SGPL1: variants seen among roughly 807,000 people sequenced by gnomAD.
SGPL1 encodes the protein sphingosine-1-phosphate lyase 1.
A neutral mutation model predicts 68.9 loss-of-function variants in SGPL1; 37 were observed. The ratio of observed to expected loss-of-function variants is 0.54; its 90% CI spans 0.41 to 0.71. The LOEUF (loss-of-function observed/expected upper bound fraction) is 0.71, where lower values mean the gene tolerates loss of function less well. Ranked by LOEUF, SGPL1 falls within the 30% of genes least tolerant of loss-of-function variation. The pLI is 0.00. For missense variants in SGPL1, 551 were observed against 704.6 expected (o/e 0.78, Z 2.47); for synonymous variants, 236 against 248.5 (o/e 0.95, Z 0.47).
At chr10:70,816,747 T>A in intron 1 of SGPL1, 64 bp from the exon 2 acceptor site, 1 of 1,155,086 alleles carries the variant, frequency 8.7e-7, no homozygotes, top group Admixed American at 1.7e-5. Flanking sequence ...CTCTGGCGAA[T>A]CTAGGCGGGC....
chr10:70,859,394 T>TA lies in SGPL1; in HGVS notation c.512dup (p.Asn171LysfsTer57). The stretch of plus-strand genomic sequence containing the variant: ...AGGCTTATGGAGATTTTGCATGGAG[T>TA]AACCCCCTGCATCCAGATATCTTCC... On this transcript the variant is annotated frameshift_variant, in exon 7 of 15. Coordinates refer to ENST00000373202, the MANE Select transcript of SGPL1 (RefSeq NM_003901.4). LOFTEE classifies it high-confidence loss of function. 6.5e-7 allele frequency: 1 copy of TA among 1,536,426 alleles called. No individual in the cohort carries two copies. The highest frequency in any genetic ancestry group is 8.8e-7 in the Non-Finnish European group (1 of 1,142,600).
chr10:70,858,663 A>G (rs1157661753), intron 6 of SGPL1, among the ~76,000 whole-genome samples: 1 of 152,198 alleles, frequency 6.6e-6, no homozygotes, highest in Admixed American at 6.5e-5. Context: ...TGCAGCAGAG[A>G]ATACAAGTTT....
intron 2 of SGPL1, among the ~76,000 whole-genome samples, chr10:70,835,735 C>CAAAAAAAAAAAAAAAAAAAAAA (rs66962270): frequency 1.0e-4 from 7 of 70,156 alleles, no homozygotes; most frequent in African/African-American, 3.6e-4. Flanking sequence ...GACTCCGTCT[C>CAAAAAAAAAAAAAAAAAAAAAA]AAAAAAAAAA....
At chr10:70,866,418 T>G (rs147032285) in intron 7 of SGPL1, 11 of 152,184 alleles carry the variant, frequency 7.2e-5, no homozygotes, top group African/African-American at 2.6e-4. Context: ...AAGTAGAATT[T>G]AGGTATTCCT....
At chr10:70,826,741 T>A (rs1845444525) in intron 2 of SGPL1, among the ~76,000 whole-genome samples, 1 of 152,196 alleles carries the variant, frequency 6.6e-6, no homozygotes, top group South Asian at 2.1e-4. Context: ...GTATGCATCC[T>A]AAGTTTAGTT....
intron 2 of SGPL1, among the ~76,000 whole-genome samples, chr10:70,832,122 T>C (rs1365545034): frequency 1.3e-5 from 2 of 152,226 alleles, no homozygotes; most frequent in African/African-American, 2.4e-5. Flanking sequence ...TTTCAATAGA[T>C]ACCACAAAGT....
chr10:70,819,763 T>C (rs1313474046), intron 2 of SGPL1, among the ~76,000 whole-genome samples: 1 of 151,936 alleles, frequency 6.6e-6, no homozygotes, highest in Non-Finnish European at 1.5e-5. Flanking sequence ...CCTGAGTAGC[T>C]GGGACGACAG....
intron 2 of SGPL1, among the ~76,000 whole-genome samples, chr10:70,825,081 C>T (rs1350374035): frequency 6.6e-6 from 1 of 151,590 alleles, no homozygotes; most frequent in Non-Finnish European, 1.5e-5. Flanking sequence ...TCTCCTGCCT[C>T]AGCCTCCCAA....
At chr10:70,837,936 A>G (rs1845652046) in intron 2 of SGPL1, among the ~76,000 whole-genome samples, 1 of 152,124 alleles carries the variant, frequency 6.6e-6, no homozygotes. Flanking sequence ...GCTAGAGGGG[A>G]TGGGCCAAGA....
At chr10:70,856,869 GA>G (rs1417150988) in intron 5 of SGPL1, among the ~76,000 whole-genome samples, 1 of 152,202 alleles carries the variant, frequency 6.6e-6, no homozygotes, top group Non-Finnish European at 1.5e-5. Context: ...TGGGTAAAAT[GA>G]AGAATGTCTC....
chr10:70,841,779 A>G (rs1845718262), intron 2 of SGPL1, among the ~76,000 whole-genome samples: 1 of 152,190 alleles, frequency 6.6e-6, no homozygotes, highest in Non-Finnish European at 1.5e-5. Flanking sequence ...CTACTAGAAC[A>G]CTGGATGTGG....
At chr10:70,857,754 T>G in intron 6 of SGPL1, 64 bp downstream of exon 6, 4 of 1,048,484 alleles carry the variant, frequency 3.8e-6, no homozygotes, top group Non-Finnish European at 5.6e-6. Flanking sequence ...CCTCCTTTTT[T>G]TCCCTTACTT....
intron 2 of SGPL1, among the ~76,000 whole-genome samples, chr10:70,838,744 G>A (rs1218417388): frequency 2.0e-5 from 3 of 152,192 alleles, no homozygotes; most frequent in Admixed American, 1.3e-4. Context: ...TATATCAAGC[G>A]TTAAAGAAGG....
At chr10:70,830,426 C>A (rs899560055) in intron 2 of SGPL1, among the ~76,000 whole-genome samples, 11 of 152,188 alleles carry the variant, frequency 7.2e-5, no homozygotes, top group Non-Finnish European at 4.4e-5. Context: ...TGTGGTCTTT[C>A]CTGATTGACT....
chr10:70,873,578 C>T lies in SGPL1; in HGVS notation c.1287C>T (p.Phe429=), dbSNP rs1481399463. ...AACAGATCATCAAAACTGCTCGCTT[C>T]CTCAAGTCAGAGTATGTGTGGAAGA... ...ATKQIIKTAR[F]LKSELENIKG... The change falls in exon 12 of 15, where the codon TTC becomes TTT. Residue 429 remains phenylalanine (F), a synonymous_variant. Coordinates refer to ENST00000373202, the MANE Select transcript of SGPL1 (RefSeq NM_003901.4). The T allele has an allele frequency of 6.2e-6, 10 of 1,612,394 alleles. No homozygotes were observed. The highest frequency in any genetic ancestry group is 8.5e-6 in the Non-Finnish European group (10 of 1,178,354).
At chr10:70,856,237 C>G (rs910292191) in intron 5 of SGPL1, among the ~76,000 whole-genome samples, 3 of 152,230 alleles carry the variant, frequency 2.0e-5, no homozygotes, top group African/African-American at 7.2e-5. Context: ...CTCAGGTGAT[C>G]TGCCCACCTT....
intron 3 of SGPL1, among the ~76,000 whole-genome samples, chr10:70,846,132 C>CA (rs1845788306): frequency 6.6e-6 from 1 of 152,180 alleles, no homozygotes; most frequent in Non-Finnish European, 1.5e-5. Flanking sequence ...CTGTAGCTCA[C>CA]TCCAGCTTTA....
chr10:70,859,480 G>C lies in SGPL1; in HGVS notation c.596G>C (p.Gly199Ala). Residue 199 changes from glycine to alanine, a missense_variant, in exon 7 of 15, where the codon GGA (glycine) becomes GCA (alanine). Gly to Ala is a moderately conservative substitution (Grantham distance 60, BLOSUM62 0). Coordinates refer to ENST00000373202, the MANE Select transcript of SGPL1 (RefSeq NM_003901.4). ...VRIACSLFNGGPDSCGCVTSG... is the reference protein window; with the variant it reads ...VRIACSLFNGAPDSCGCVTSG... ...ATAGCTTGTTCCCTGTTCAATGGGG[G>C]ACCAGATTCGTGTGGATGTGTAAGT... 2 of 1,534,198 alleles carry C rather than the reference G, an allele frequency of 1.3e-6. No homozygotes were observed. Among genetic ancestry groups the C allele is most frequent in the Non-Finnish European group, 1.8e-6 (2 of 1,138,344 alleles).
chr10:70,838,803 A>G (rs1845670020), intron 2 of SGPL1, among the ~76,000 whole-genome samples: 2 of 152,182 alleles, frequency 1.3e-5, no homozygotes, highest in African/African-American at 2.4e-5. Context: ...GCTAAGTATT[A>G]TTTTGGAAAC....
Sources: allele counts gnomAD v4.1 joint callset (sites outside exome capture counted in the v4.1 genomes callset), GRCh38; gene constraint gnomAD v4.1.1; transcripts MANE v1.5; gene names NCBI Gene and HGNC (gene_info 2026-07-23, HGNC 2026-07-21).